Variants in WDR12 observed in about 807,000 individuals in gnomAD.
The protein encoded by WDR12 is ribosome biogenesis protein WDR12.
A neutral mutation model predicts 64.3 loss-of-function variants in WDR12; 42 were observed. That is an observed-to-expected ratio of 0.65 (90% CI 0.51 to 0.84). The LOEUF (loss-of-function observed/expected upper bound fraction) is 0.84. Among genes scored for constraint, WDR12 ranks in the 40% least tolerant of loss-of-function variants. The pLI, the probability that WDR12 is intolerant of heterozygous loss-of-function variation, is 0.00. For synonymous variants in WDR12, 158 were observed against 173.3 expected, an observed-to-expected ratio of 0.91 and a Z score of 0.70; for missense variants, 469 against 494.6, an observed-to-expected ratio of 0.95 and a Z score of 0.49.
At chr2:202,911,327 A>G in intron 1 of WDR12, 109 bp downstream of exon 1, 1 of 1,090,972 alleles carries the variant, frequency 9.2e-7, no homozygotes, top group Non-Finnish European at 1.4e-6. Context: ...AATCTCAGAA[A>G]AAAGGGTGGG....
Position 202,911,662 on chromosome 2 carries a change from T to A in WDR12, c.-186A>T. On this transcript the variant is annotated 5_prime_UTR_variant, in exon 1 of 13. Transcript: ENST00000261015. ...GGTCTCCTCTGCAGAAAGCACGAGG[T>A]TGCCCTTCTACAGACGCCCAGACCA... 1.6e-6 allele frequency: 1 copy of A among 620,328 alleles called. No individual in the cohort carries two copies. Among genetic ancestry groups the A allele is most frequent in the Admixed American group, 2.7e-5 (1 of 37,452 alleles). 38.4% of individuals were successfully genotyped at this position (620,328 alleles called of 1,614,324 possible).
chr2:202,903,500 G>T (rs7605306), intron 2 of WDR12, among the ~76,000 whole-genome samples: 40,631 of 115,016 alleles, frequency 0.35, 6,675 homozygotes, highest in East Asian at 0.61. Flanking sequence ...AGGAAGGAAG[G>T]AAGTGAGGGA....
In WDR12 at chr2:202,880,243, A is replaced by G. The variant is rs1687925757; in HGVS notation, c.*617T>C. 1 of 152,170 alleles carries G rather than the reference A, an allele frequency of 6.6e-6. No homozygotes were observed. Among genetic ancestry groups the G allele is most frequent in the Admixed American group, 6.6e-5 (1 of 15,254 alleles). The allele number at this position is 152,170 out of a possible 1,614,324, so 9.4% of individuals were successfully genotyped here. The stretch of plus-strand genomic sequence containing the variant: ...TCAACAATCAATTACTGGATTTCCA[A>G]TATAACCTTTTACAGCATTTCAAAA... On this transcript the variant is annotated 3_prime_UTR_variant, in exon 13 of 13. Coordinates refer to ENST00000261015, the MANE Select transcript of WDR12 (RefSeq NM_018256.4).
intron 8 of WDR12, among the ~76,000 whole-genome samples, chr2:202,892,195 T>C (rs1688168160): frequency 6.6e-6 from 1 of 152,204 alleles, no homozygotes; most frequent in Admixed American, 6.5e-5. Context: ...AAATCCCAAA[T>C]TAAACTCTTG....
chr2:202,908,376 G>T (rs1303613258), intron 1 of WDR12, among the ~76,000 whole-genome samples: 1 of 152,182 alleles, frequency 6.6e-6, no homozygotes, highest in African/African-American at 2.4e-5. Flanking sequence ...GACTGCCTGA[G>T]CCCAGGAGGT....
In WDR12 at chr2:202,884,404, C is replaced by T; in HGVS notation, c.873G>A (p.Lys291=). ...RVWDVESGSL[K]STLTGNKVFN... ...ACTGAATTTGTCTTACCAAAGTTGA[C>T]TTAAGACTGCCAGACTCAACATCCC... Residue 291 remains lysine (K), a synonymous_variant, in exon 9 of 13, where the codon AAG becomes AAA. Transcript: ENST00000261015. 6.2e-7 allele frequency: 1 copy of T among 1,614,116 alleles called. No individual in the cohort carries two copies. Among genetic ancestry groups the T allele is most frequent in the Non-Finnish European group, 8.5e-7 (1 of 1,180,016 alleles).
At chr2:202,883,767 T>G (rs745679314) in intron 10 of WDR12, 26 bp from the exon 11 acceptor site, 1 of 1,600,232 alleles carries the variant, frequency 6.2e-7, no homozygotes, top group Non-Finnish European at 8.5e-7. Context: ...AAGACAAGCG[T>G]TGAATTTTAG....
At chr2:202,894,884 C>A (rs568872402) in intron 6 of WDR12, 4 of 327,770 alleles carry the variant, frequency 1.2e-5, no homozygotes, top group Non-Finnish European at 1.7e-5. Flanking sequence ...GACAAGACAG[C>A]GAGAGGGTGT....
intron 7 of WDR12, among the ~76,000 whole-genome samples, chr2:202,893,881 T>C (rs1188876024): frequency 2.0e-5 from 3 of 152,258 alleles, no homozygotes; most frequent in East Asian, 3.9e-4. Context: ...TAAAACTGCA[T>C]TGAAAAATTT....
chr2:202,908,721 G>A (rs1273108529), intron 1 of WDR12, among the ~76,000 whole-genome samples: 1 of 152,156 alleles, frequency 6.6e-6, no homozygotes, highest in African/African-American at 2.4e-5. Flanking sequence ...AGTATCATCA[G>A]ATTTTATTTA....
At chr2:202,909,055 T>C (rs1166936776) in intron 1 of WDR12, among the ~76,000 whole-genome samples, 3 of 152,104 alleles carry the variant, frequency 2.0e-5, no homozygotes, top group African/African-American at 7.2e-5. Flanking sequence ...TCAGTGAAAA[T>C]ATGGAGCAAT....
At chr2:202,900,886 C>T (rs1306956643) in intron 3 of WDR12, 139 bp downstream of exon 3, 1 of 572,254 alleles carries the variant, frequency 1.7e-6, no homozygotes, top group African/African-American at 1.8e-5. Context: ...CAATACATAA[C>T]ACACACAACA....
chr2:202,891,584 A>AAGCGCTAATATTAGATTT (rs1688157450), intron 8 of WDR12, among the ~76,000 whole-genome samples: 1 of 152,148 alleles, frequency 6.6e-6, no homozygotes, highest in African/African-American at 2.4e-5. Context: ...TGGAACCAGT[A>AAGCGCTAATATTAGATTT]AGCGCTAATA....
At chr2:202,895,956 CG>C in intron 6 of WDR12, 108 bp downstream of exon 6, 1 of 1,283,942 alleles carries the variant, frequency 7.8e-7, no homozygotes, top group South Asian at 1.5e-5. Flanking sequence ...CTTTTGTCAC[CG>C]ATTGTTAGGA....
chr2:202,880,953 G>C lies in WDR12; in HGVS notation c.1195-16C>G, dbSNP rs1312181509. On this transcript the variant is annotated splice_polypyrimidine_tract_variant and intron_variant, in intron 12 of 12. Transcript: ENST00000261015. ...TCAGAAGTAGCTGTGTAAAAGGAGA[G>C]AAAAAGACAAGAAAACATAAATAAA... 3 of 1,579,198 alleles carry C rather than the reference G, an allele frequency of 1.9e-6. No homozygotes were observed. The African/African-American group carries it at 4.1e-5, about 21-fold the overall frequency.
chr2:202,901,179 T>C, intron 2 of WDR12, 60 bp from the exon 3 acceptor site: 3 of 1,335,516 alleles, frequency 2.2e-6, no homozygotes, highest in Non-Finnish European at 3.1e-6. Context: ...TTGGCAGAGG[T>C]ATATGAGAAC....
chr2:202,893,777 A>T (rs1422857414), intron 7 of WDR12, among the ~76,000 whole-genome samples: 1 of 152,154 alleles, frequency 6.6e-6, no homozygotes, highest in Non-Finnish European at 1.5e-5. Flanking sequence ...TCTTCTTACT[A>T]CTATGAAAGC....
At position 202,876,182 on chromosome 2, in the gene WDR12, A is replaced by AGTTGTG. The variant is rs2105900112; in HGVS notation, c.*4677_*4678insCACAAC. The AGTTGTG allele has an allele frequency of 6.6e-6, 1 of 152,316 alleles. No individual in the cohort carries two copies. Among genetic ancestry groups the AGTTGTG allele is most frequent in the South Asian group, 2.1e-4 (1 of 4,814 alleles). 9.4% of individuals were successfully genotyped at this position (152,316 alleles called of 1,614,324 possible). On this transcript the variant is annotated 3_prime_UTR_variant, in exon 13 of 13. Coordinates refer to ENST00000261015, the MANE Select transcript of WDR12 (RefSeq NM_018256.4). ...GGTGAGATGATTGCTTGAGGTCAGG[A>AGTTGTG]GTTGGAGTCCAGCCTGGGCAACATA... is the stretch of plus-strand genomic sequence containing the variant.
intron 5 of WDR12, among the ~76,000 whole-genome samples, chr2:202,896,884 G>A (rs1688254061): frequency 6.6e-6 from 1 of 152,112 alleles, no homozygotes; most frequent in Non-Finnish European, 1.5e-5. Context: ...CTACTCGAGA[G>A]GCTGAGGCAG....
Sources: allele counts gnomAD v4.1 joint callset (sites outside exome capture counted in the v4.1 genomes callset), GRCh38; gene constraint gnomAD v4.1.1; transcripts MANE v1.5; gene names NCBI Gene and HGNC (gene_info 2026-07-23, HGNC 2026-07-21).